The following IP6K1 variants were observed in gnomAD, a reference collection of about 807,000 sequenced individuals.
IP6K1 encodes ATP:1D-myo-inositol-hexakisphosphate phosphotransferase.
In IP6K1, 13 loss-of-function variants were observed where a neutral mutation model predicts 38.3. That is an observed-to-expected ratio of 0.34 (90% CI 0.22 to 0.54). The LOEUF (loss-of-function observed/expected upper bound fraction) is 0.54, where lower values mean the gene tolerates loss of function less well. Ranked by LOEUF, IP6K1 falls within the 20% of genes least tolerant of loss-of-function variation. The probability of loss-of-function intolerance (pLI) is 0.92; values close to 1 mark genes in which losing one functional copy is unlikely to be tolerated. For missense variants in IP6K1, 397 were observed against 599.8 expected, an observed-to-expected ratio of 0.66 and a Z score of 3.53; for synonymous variants, 212 against 229.9, an observed-to-expected ratio of 0.92 and a Z score of 0.70.
Position 49,738,528 on chromosome 3 carries a change from C to T in IP6K1, c.224-106G>A, listed in dbSNP as rs768820717. Reference sequence around the variant, plus strand: ...CCACACAGCATGAAGACATCACCTGCCCTGAACCAACTACAGATCAATATC... The same window carrying T: ...CCACACAGCATGAAGACATCACCTGTCCTGAACCAACTACAGATCAATATC... On this transcript the variant is annotated intron_variant, in intron 2 of 5. Transcript: ENST00000321599. The T allele has an allele frequency of 4.6e-5, 37 of 805,294 alleles. No homozygotes were observed. The Middle Eastern group carries it at 6.8e-4, about 15-fold the overall frequency. The allele number at this position is 805,294 out of a possible 1,614,324, so 49.9% of individuals were successfully genotyped here.
intron 4 of IP6K1, among the ~76,000 whole-genome samples, chr3:49,728,610 C>G (rs2080534260): frequency 6.6e-6 from 1 of 152,126 alleles, no homozygotes; most frequent in Admixed American, 6.5e-5. Context: ...GAGTCTCGCT[C>G]TGTTACCCAG....
chr3:49,770,165 C>T (rs1408205957), intron 1 of IP6K1, among the ~76,000 whole-genome samples: 2 of 152,208 alleles, frequency 1.3e-5, no homozygotes, highest in Non-Finnish European at 2.9e-5. Flanking sequence ...CCACTTCACT[C>T]TAGCCTGGGC....
At chr3:49,772,619 T>C (rs2080970094) in intron 1 of IP6K1, among the ~76,000 whole-genome samples, 1 of 151,958 alleles carries the variant, frequency 6.6e-6, no homozygotes, top group Non-Finnish European at 1.5e-5. Context: ...CCCAGGCTGG[T>C]CTCAAACTCC....
chr3:49,770,851 C>T (rs938587518), intron 1 of IP6K1, among the ~76,000 whole-genome samples: 3 of 152,014 alleles, frequency 2.0e-5, no homozygotes, highest in African/African-American at 7.3e-5. Context: ...TGATCACACC[C>T]GTATTCCTAG....
chr3:49,772,319 TATATA>T (rs913612133), intron 1 of IP6K1, among the ~76,000 whole-genome samples: 2 of 147,644 alleles, frequency 1.4e-5, no homozygotes, highest in Admixed American at 1.4e-4. Context: ...ATATTTTATA[TATATA>T]ATATATAGGA....
chr3:49,732,808 T>C lies in IP6K1; in HGVS notation c.599A>G (p.Lys200Arg), dbSNP rs1163307929. The C allele has an allele frequency of 1.2e-6, 2 of 1,613,492 alleles. No homozygotes were observed. The highest frequency in any genetic ancestry group is 2.2e-5 in the East Asian group (1 of 44,864). The change falls in exon 4 of 6, where the codon AAG becomes AGG. Residue 200 changes from lysine (K) to arginine (R), a missense_variant. Transcript: ENST00000321599. ...QQLSRMRSES[K>R]DRKLYKFLLL... ...GAGGATACTGTAGAGCTTTCGGTCC[T>C]TGGACTCGGAGCGCATGCGGCTCAG...
chr3:49,727,133 C>A lies in IP6K1; in HGVS notation c.1315G>T (p.Glu439Ter). Residue 439 changes from glutamate (E) to a stop codon, truncating the protein, a stop_gained, in exon 6 of 6, where the codon GAG becomes TAG. Coordinates refer to ENST00000321599, the MANE Select transcript of IP6K1 (RefSeq NM_153273.4). LOFTEE classifies it high-confidence loss of function. This position sits in a 1 kb window ranked among gnomAD's most constrained non-coding sequence, Gnocchi z 5.9. ...LISIMEQMRDENQ is the reference protein window; with the variant it reads ...LISIMEQMRD ...GCCCAGAACAGGGCCTACTGGTTCTCGTCCCGCATCTGTTCCATGATGCTG... is the reference window on the plus strand; with the variant it reads ...GCCCAGAACAGGGCCTACTGGTTCTAGTCCCGCATCTGTTCCATGATGCTG... 2 of 1,603,450 alleles carry A rather than the reference C, an allele frequency of 1.2e-6. No homozygotes were observed. Among genetic ancestry groups the A allele is most frequent in the Non-Finnish European group, 1.7e-6 (2 of 1,172,932 alleles).
intron 1 of IP6K1, among the ~76,000 whole-genome samples, chr3:49,765,948 G>A (rs1415033786): frequency 8.6e-5 from 13 of 151,264 alleles, no homozygotes; most frequent in Middle Eastern, 3.4e-3. Flanking sequence ...AGGCCGAAGC[G>A]GGCAGATGAC....
intron 1 of IP6K1, among the ~76,000 whole-genome samples, chr3:49,750,426 G>C (rs1214293561): frequency 1.3e-5 from 2 of 152,182 alleles, no homozygotes; most frequent in African/African-American, 2.4e-5. Flanking sequence ...CGGGTGCAGT[G>C]GTTCACGCCT....
At chr3:49,730,242 G>T (rs1441619247) in intron 4 of IP6K1, among the ~76,000 whole-genome samples, 1 of 152,094 alleles carries the variant, frequency 6.6e-6, no homozygotes, top group Non-Finnish European at 1.5e-5. Flanking sequence ...TCACTATGTT[G>T]TCCAGGCTGG....
chr3:49,739,694 G>T (rs1451035573), intron 2 of IP6K1, among the ~76,000 whole-genome samples: 2 of 151,836 alleles, frequency 1.3e-5, no homozygotes, highest in East Asian at 3.9e-4. Context: ...AAGAGACAGG[G>T]TCCCATTGGA....
At position 49,727,151 on chromosome 3, in the gene IP6K1, T is replaced by C; in HGVS notation, c.1297A>G (p.Met433Val). 1 of 1,612,812 alleles carries C rather than the reference T, an allele frequency of 6.2e-7. No individual in the cohort carries two copies. The highest frequency in any genetic ancestry group is 8.5e-7 in the Non-Finnish European group (1 of 1,179,056). Reference sequence around the variant, plus strand: ...TGGTTCTCGTCCCGCATCTGTTCCATGATGCTGATGAGGTTCTCCAGGCCA... The same window carrying C: ...TGGTTCTCGTCCCGCATCTGTTCCACGATGCTGATGAGGTTCTCCAGGCCA... ...VFGLENLISI[M>V]EQMRDENQ The change falls in exon 6 of 6, where the codon ATG (methionine) becomes GTG (valine). Residue 433 changes from methionine to valine, a missense_variant. Physicochemically the swap from Met to Val is conservative, Grantham distance 21. Around this residue, in one of 3 missense-constraint regions of IP6K1, gnomAD observed 164 missense variants for 213.5 expected, o/e 0.77. Coordinates refer to ENST00000321599, the MANE Select transcript of IP6K1 (RefSeq NM_153273.4). The surrounding 1 kb of genome is among the most constrained non-coding windows in gnomAD (Gnocchi z 5.9).
At position 49,732,991 on chromosome 3, in the gene IP6K1, C is replaced by T. The variant is rs1191627545; in HGVS notation, c.435-19G>A. 6.3e-7 allele frequency: 1 copy of T among 1,597,982 alleles called. No homozygotes were observed. Among genetic ancestry groups the T allele is most frequent in the Non-Finnish European group, 8.6e-7 (1 of 1,167,164 alleles). ...CTGTGAGCTAAGAAGGAAGAACATACACATCACTAAGAAACTCAGGCAAGT... is the reference window on the plus strand; with the variant it reads ...CTGTGAGCTAAGAAGGAAGAACATATACATCACTAAGAAACTCAGGCAAGT... On this transcript the variant is annotated intron_variant, in intron 3 of 5. Transcript: ENST00000321599.
In IP6K1 at chr3:49,757,560, C is replaced by CA. The variant is rs763043315; in HGVS notation, c.-128-9393dup. On this transcript the variant is annotated intron_variant, in intron 1 of 5. Transcript: ENST00000321599. ...GCAACATGGCAAAATACTGTCTCTA[C>CA]AAAAAAAAAATTAGCCAGGCTTGGT... Among the ~76,000 whole-genome samples, 292 of 147,812 alleles carry CA rather than the reference C, an allele frequency of 2.0e-3. 1 individual carries two copies. Among genetic ancestry groups the CA allele is most frequent in the Non-Finnish European group, 3.3e-3 (222 of 66,712 alleles).
rs1252746900 is a variant in IP6K1, at chr3:49,726,138, T to TA, written c.*983dup. ...CCACGTCCCTGTGAGCAAAAAAGCT[T>TA]AAAGTTCTCCCTCCAGGCCCAGGGC... On this transcript the variant is annotated 3_prime_UTR_variant, in exon 6 of 6. Transcript: ENST00000321599. The TA allele has an allele frequency of 6.6e-6, 1 of 152,670 alleles. No individual in the cohort carries two copies. The highest frequency in any genetic ancestry group is 1.5e-5 in the Non-Finnish European group (1 of 68,104). 9.5% of individuals were successfully genotyped at this position (152,670 alleles called of 1,614,324 possible). A position where few individuals can be genotyped will look rare whatever the true frequency, so the allele number is the denominator to read the frequency against.
In IP6K1 at chr3:49,729,853, T is replaced by C. The variant is rs2080548406; in HGVS notation, c.617-1575A>G. ...TCAAAAGATCCTCCCACCCTCAGCC[T>C]CTGGAACAGCTAGGACTACAGGCAT... On this transcript the variant is annotated intron_variant, in intron 4 of 5. Transcript: ENST00000321599. 2.0e-5 allele frequency among the ~76,000 whole-genome samples: 3 copies of C among 152,032 alleles called. No homozygotes were observed. The South Asian group carries it at 6.2e-4, about 32-fold the overall frequency.
In IP6K1 at chr3:49,738,292, G is replaced by C. The variant is rs755798865; in HGVS notation, c.354C>G (p.Ser118=). Residue 118 remains serine (S), a synonymous_variant, in exon 3 of 6, where the codon TCC becomes TCG. Coordinates refer to ENST00000321599, the MANE Select transcript of IP6K1 (RefSeq NM_153273.4). ...TGCCTGACCGGTGCAGGCTCCGGCG[G>C]GAGTGTTTGCGCCGAGGTTGCTCCC... The part of the protein sequence containing the change: ...TEREQPRRKH[S]RRSLHRSGSG... The C allele has an allele frequency of 6.2e-7, 1 of 1,614,212 alleles. No homozygotes were observed. The highest frequency in any genetic ancestry group is 1.1e-5 in the South Asian group (1 of 91,082).
chr3:49,772,828 C>CT (rs1195930851), intron 1 of IP6K1, among the ~76,000 whole-genome samples: 170 of 139,948 alleles, frequency 1.2e-3, no homozygotes, highest in Middle Eastern at 3.8e-3. Context: ...AACTCTTGAG[C>CT]TTTTTTTTTT....
intron 1 of IP6K1, among the ~76,000 whole-genome samples, chr3:49,755,469 A>T (rs2080813912): frequency 6.6e-6 from 1 of 152,180 alleles, no homozygotes; most frequent in Non-Finnish European, 1.5e-5. Flanking sequence ...AAACTTGGTA[A>T]GTCAGGAATG....
Sources: gnomAD v4.1 joint callset for allele counts (sites outside exome capture counted in the v4.1 genomes callset) on GRCh38, gnomAD v4.1.1 for gene constraint, gnomAD v4.1.1 regional missense constraint, Gnocchi (gnomAD v3.1) non-coding constraint, MANE v1.5 for transcripts, NCBI Gene and HGNC (gene_info 2026-07-23, HGNC 2026-07-21) for gene names.